Variants in EXOC1 observed in about 807,000 individuals in gnomAD.
EXOC1 encodes the protein exocyst complex component 1, also known as SEC3-like 1.
EXOC1 carries 67 observed loss-of-function variants against 107.7 expected under a neutral mutation model. That is an observed-to-expected ratio of 0.62 (90% CI 0.51 to 0.76). The LOEUF is 0.76. EXOC1 is among the 30% of genes least tolerant of loss of function. The pLI, the probability that EXOC1 is intolerant of heterozygous loss-of-function variation, is 0.00. For synonymous variants in EXOC1, 348 were observed against 353.5 expected, an observed-to-expected ratio of 0.98 and a Z score of 0.17; for missense variants, 833 against 1,055.7, an observed-to-expected ratio of 0.79 and a Z score of 2.92.
intron 9 of EXOC1, among the ~76,000 whole-genome samples, chr4:55,878,521 G>A (rs1258471649): frequency 6.6e-6 from 1 of 152,046 alleles, no homozygotes. Flanking sequence ...AGATCTGACT[G>A]GGAAGAATCA....
chr4:55,893,727 A>G lies in EXOC1; in HGVS notation c.1900A>G (p.Thr634Ala). 1 of 1,614,172 alleles carries G rather than the reference A, an allele frequency of 6.2e-7. No individual in the cohort carries two copies. The highest frequency in any genetic ancestry group is 8.5e-7 in the Non-Finnish European group (1 of 1,180,024). ...QNVDPASFLSTTLGNVLVTVK... is the reference protein window; with the variant it reads ...QNVDPASFLSATLGNVLVTVK... ...TGTGGACCCTGCTTCTTTCCTAAGT[A>G]CTACATTGGGAAATGTTTTGGTGAC... is the stretch of plus-strand genomic sequence containing the variant. The change falls in exon 15 of 19, where the codon ACT becomes GCT. Residue 634 changes from threonine to alanine, a missense_variant. Thr to Ala is a moderately conservative substitution (Grantham distance 58, BLOSUM62 0). Transcript: ENST00000381295.
rs999175786 is a variant in EXOC1 at position 55,876,191 on chromosome 4, C to T, written c.1075-1726C>T. ...TACAGAAAAGATATGGTAGCCCAGG[C>T]ATTCTAAAAATACAGAATTGTTCCA... On this transcript the variant is annotated intron_variant, in intron 8 of 18. Coordinates refer to ENST00000381295, the MANE Select transcript of EXOC1 (RefSeq NM_001024924.2). 3.5e-5 allele frequency: 34 copies of T among 985,190 alleles called. 1 individual carries two copies. In the South Asian group the frequency reaches 1.4e-3, roughly 39 times the overall value. 61.0% of individuals were successfully genotyped at this position (985,190 alleles called of 1,614,324 possible). A position where few individuals can be genotyped will look rare whatever the true frequency, so the allele number is the denominator to read the frequency against.
At chr4:55,864,657 T>C (rs1721788959) in intron 4 of EXOC1, among the ~76,000 whole-genome samples, 1 of 152,226 alleles carries the variant, frequency 6.6e-6, no homozygotes, top group South Asian at 2.1e-4. Context: ...AAACACCTTT[T>C]TAAGATAAAG....
intron 12 of EXOC1, among the ~76,000 whole-genome samples, chr4:55,891,039 T>A (rs1724481381): frequency 6.6e-6 from 1 of 152,216 alleles, no homozygotes; most frequent in Non-Finnish European, 1.5e-5. Flanking sequence ...TAAATAAGTT[T>A]TAAAAGTTGA....
intron 2 of EXOC1, 22 bp downstream of exon 2, chr4:55,858,469 G>C (rs749646364): frequency 1.3e-6 from 2 of 1,558,678 alleles, no homozygotes; most frequent in South Asian, 1.2e-5. Flanking sequence ...GTAAGAAAGA[G>C]TACTTGTTTT....
intron 2 of EXOC1, 136 bp from the exon 3 acceptor site, chr4:55,860,275 A>G (rs1423518413): frequency 2.0e-6 from 2 of 1,006,574 alleles, no homozygotes; most frequent in Middle Eastern, 2.5e-4. Context: ...TTCCTCGGTC[A>G]TAGCACTTGT....
chr4:55,895,257 C>T (rs1436507239), intron 15 of EXOC1, among the ~76,000 whole-genome samples: 1 of 152,128 alleles, frequency 6.6e-6, no homozygotes, highest in Non-Finnish European at 1.5e-5. Context: ...CAAGTCTGGG[C>T]ACTTTGCACA....
chr4:55,858,438 T>C lies in EXOC1; in HGVS notation c.115T>C (p.Cys39Arg). 1 of 1,601,412 alleles carries C rather than the reference T, an allele frequency of 6.2e-7. No homozygotes were observed. Among genetic ancestry groups the C allele is most frequent in the Non-Finnish European group, 8.5e-7 (1 of 1,174,708 alleles). The change falls in exon 2 of 19, where the codon TGT (cysteine) becomes CGT (arginine). Residue 39 changes from cysteine (C) to arginine (R), a missense_variant. Around this residue, in one of 2 missense-constraint regions of EXOC1, gnomAD observed 617 missense variants for 701.3 expected, o/e 0.88. Transcript: ENST00000381295. ...AGKKKKNCFL[C>R]ATVTTERPVQ... Reference sequence around the variant, plus strand: ...AAAAAAGAAAAAGAACTGTTTTTTATGTGCCACAGGTGGGTATTTAGTAAG... The same window carrying C: ...AAAAAAGAAAAAGAACTGTTTTTTACGTGCCACAGGTGGGTATTTAGTAAG...
chr4:55,856,284 G>T (rs1720961300), intron 1 of EXOC1, among the ~76,000 whole-genome samples: 1 of 152,232 alleles, frequency 6.6e-6, no homozygotes, highest in Admixed American at 6.5e-5. Context: ...TACAAACAGG[G>T]TGAAATAATT....
intron 8 of EXOC1, chr4:55,876,512 T>TTG (rs1722908010): frequency 1.2e-6 from 1 of 840,658 alleles, no homozygotes. Context: ...ACCATCAAAA[T>TTG]TGTTTTGGTG....
rs1724359581 is a variant in EXOC1 at position 55,890,212 on chromosome 4, T to G, written c.1376-11T>G. The G allele has an allele frequency of 6.2e-7, 1 of 1,612,858 alleles. No homozygotes were observed. Among genetic ancestry groups the G allele is most frequent in the Admixed American group, 1.7e-5 (1 of 59,842 alleles). On this transcript the variant is annotated splice_polypyrimidine_tract_variant and intron_variant, in intron 11 of 18. Coordinates refer to ENST00000381295, the MANE Select transcript of EXOC1 (RefSeq NM_001024924.2). The stretch of plus-strand genomic sequence containing the variant: ...GAAGATCACAACTTTCAAAGTTTTA[T>G]TATTTCTTAGGTCTTCATGGAAGTT...
intron 1 of EXOC1, among the ~76,000 whole-genome samples, chr4:55,854,183 A>T (rs1008410792): frequency 2.1e-5 from 1 of 47,480 alleles, no homozygotes; most frequent in Non-Finnish European, 4.3e-5. Context: ...CCCCAACCCC[A>T]ACTCCCCCCC....
chr4:55,904,207 G>A (rs753317015), intron 18 of EXOC1, 136 bp from the exon 19 acceptor site: 1 of 742,826 alleles, frequency 1.3e-6, no homozygotes, highest in Non-Finnish European at 2.0e-6. Flanking sequence ...AAAGTGACTG[G>A]GATTCTGGTT....
chr4:55,867,980 C>T (rs1446868988), intron 4 of EXOC1, among the ~76,000 whole-genome samples: 1 of 152,174 alleles, frequency 6.6e-6, no homozygotes, highest in Admixed American at 6.5e-5. Context: ...GTTAGAGCAA[C>T]AGCCACATCA....
In EXOC1 at chr4:55,893,751, A is replaced by G; in HGVS notation, c.1924A>G (p.Thr642Ala). 1 of 1,613,716 alleles carries G rather than the reference A, an allele frequency of 6.2e-7. No homozygotes were observed. The highest frequency in any genetic ancestry group is 8.5e-7 in the Non-Finnish European group (1 of 1,179,912). The change falls in exon 15 of 19, where the codon ACT becomes GCT. Residue 642 changes from threonine (T) to alanine (A), a missense_variant. Thr to Ala is a moderately conservative substitution (Grantham distance 58, BLOSUM62 0). Around this residue, in one of 2 missense-constraint regions of EXOC1, gnomAD observed 216 missense variants for 354.4 expected, o/e 0.61. Coordinates refer to ENST00000381295, the MANE Select transcript of EXOC1 (RefSeq NM_001024924.2). ...LSTTLGNVLVTVKRNFDKCIS... is the reference protein window; with the variant it reads ...LSTTLGNVLVAVKRNFDKCIS... ...TACTACATTGGGAAATGTTTTGGTG[A>G]CTGTCAAAAGGAACTTTGACAAATG...
intron 8 of EXOC1, chr4:55,876,476 G>T (rs1010577343): frequency 4.5e-6 from 3 of 662,876 alleles, no homozygotes; most frequent in African/African-American, 3.9e-5. Flanking sequence ...CTATAAATAG[G>T]CCCATGTCAG....
At chr4:55,870,591 C>T (rs1364231528) in intron 5 of EXOC1, 87 bp from the exon 6 acceptor site, 2 of 1,295,508 alleles carry the variant, frequency 1.5e-6, no homozygotes, top group East Asian at 2.4e-5. Flanking sequence ...CAACATTTCA[C>T]CTTTATTCTT....
intron 10 of EXOC1, 74 bp from the exon 11 acceptor site, chr4:55,888,814 T>C (rs1236723718): frequency 1.0e-5 from 15 of 1,468,708 alleles, no homozygotes; most frequent in Non-Finnish European, 1.3e-5. Flanking sequence ...AACTTCCTCT[T>C]GTGCATGGTT....
chr4:55,871,097 C>G lies in EXOC1; in HGVS notation c.832-4C>G. 1 of 1,613,124 alleles carries G rather than the reference C, an allele frequency of 6.2e-7. No individual in the cohort carries two copies. The highest frequency in any genetic ancestry group is 8.5e-7 in the Non-Finnish European group (1 of 1,179,548). ...TGCAAATGGTGTGTTTGCATATATT[C>G]TAGAACCACATGGACTTGGCCAAAG... is the stretch of plus-strand genomic sequence containing the variant. On this transcript the variant is annotated splice_polypyrimidine_tract_variant and splice_region_variant and intron_variant, in intron 6 of 18. Coordinates refer to ENST00000381295, the MANE Select transcript of EXOC1 (RefSeq NM_001024924.2).
Sources: allele counts gnomAD v4.1 joint callset (sites outside exome capture counted in the v4.1 genomes callset), GRCh38; gene constraint gnomAD v4.1.1; regional missense constraint gnomAD v4.1.1; transcripts MANE v1.5; gene names NCBI Gene and HGNC (gene_info 2026-07-23, HGNC 2026-07-21).